ERMARD: variants seen among roughly 807,000 people sequenced by gnomAD.
ERMARD encodes the protein endoplasmic reticulum membrane-associated RNA degradation protein.
A neutral mutation model predicts 83.9 loss-of-function variants in ERMARD; 71 were observed. That is an observed-to-expected ratio of 0.85 (90% CI 0.70 to 1.03). The LOEUF (loss-of-function observed/expected upper bound fraction) is 1.03. ERMARD is among the 50% of genes least tolerant of loss of function. The pLI is 0.00. For synonymous variants in ERMARD, 284 were observed against 298.6 expected, an observed-to-expected ratio of 0.95 and a Z score of 0.50; for missense variants, 838 against 810.9, an observed-to-expected ratio of 1.03 and a Z score of -0.41.
intron 16 of ERMARD, among the ~76,000 whole-genome samples, chr6:169,777,784 C>CA (rs1793764642): frequency 6.6e-6 from 1 of 152,152 alleles, no homozygotes; most frequent in Non-Finnish European, 1.5e-5. Context: ...CCCTTCCCCC[C>CA]ACCCACAGCT....
At chr6:169,762,092 G>C (rs374346923) in intron 8 of ERMARD, among the ~76,000 whole-genome samples, 1 of 151,950 alleles carries the variant, frequency 6.6e-6, no homozygotes, top group Non-Finnish European at 1.5e-5. Context: ...TTTGTTTTTT[G>C]CTTGTTTTTT....
intron 5 of ERMARD, among the ~76,000 whole-genome samples, chr6:169,757,410 T>G (rs887984569): frequency 6.6e-6 from 1 of 152,204 alleles, no homozygotes; most frequent in Non-Finnish European, 1.5e-5. Flanking sequence ...GTTGCCTCGA[T>G]CAATTACATA....
chr6:169,774,354 C>T lies in ERMARD; in HGVS notation c.1318-916C>T, dbSNP rs78928861. 9.7e-4 allele frequency among the ~76,000 whole-genome samples: 148 copies of T among 152,310 alleles called. 1 individual carries two copies. In the East Asian group the frequency reaches 0.021, roughly 21 times the overall value. On this transcript the variant is annotated intron_variant, in intron 13 of 17. Transcript: ENST00000366773. ...GCTGTGCTGGTCAGATGCCATTCCC[C>T]GTTGGCGCTGTGGACCAGCTTTACC... is the stretch of plus-strand genomic sequence containing the variant.
chr6:169,763,852 C>T (rs112498782), intron 9 of ERMARD, among the ~76,000 whole-genome samples: 3 of 152,276 alleles, frequency 2.0e-5, no homozygotes, highest in East Asian at 1.9e-4. Context: ...CTTACGGCCC[C>T]GGAGCCGGGC....
At position 169,754,973 on chromosome 6, in the gene ERMARD, A is replaced by G. The variant is rs184884990; in HGVS notation, c.176-310A>G. Among the ~76,000 whole-genome samples, 439 of 152,314 alleles carry G rather than the reference A, an allele frequency of 2.9e-3. 10 individuals carry two copies. Among genetic ancestry groups the G allele is most frequent in the Admixed American group, 0.025 (388 of 15,296 alleles). On this transcript the variant is annotated intron_variant, in intron 2 of 17. Transcript: ENST00000366773. ...AAAAAATCAGGTTACGAAATTACAT[A>G]TACAATGTGAGCCTGGTTTTCTGTA...
At chr6:169,755,154 C>A in intron 2 of ERMARD, 129 bp from the exon 3 acceptor site, 1 of 1,067,968 alleles carries the variant, frequency 9.4e-7, no homozygotes, top group Non-Finnish European at 1.4e-6. Flanking sequence ...ATCATATGTT[C>A]AATGGTAAGC....
chr6:169,760,102 C>T (rs1791347493), intron 7 of ERMARD, 128 bp downstream of exon 7: 1 of 1,490,996 alleles, frequency 6.7e-7, no homozygotes, highest in Non-Finnish European at 8.9e-7. Flanking sequence ...GGATGGCTTT[C>T]AGAGTTGCTT....
chr6:169,760,923 C>T (rs1167089917), intron 8 of ERMARD, among the ~76,000 whole-genome samples, 167 bp downstream of exon 8: 2 of 152,132 alleles, frequency 1.3e-5, no homozygotes, highest in African/African-American at 2.4e-5. Context: ...CTTCAAGGAC[C>T]GCCTGTGATT....
Position 169,758,974 on chromosome 6 carries a change from G to A in ERMARD, c.514G>A (p.Val172Met), listed in dbSNP as rs149810482. ...GTAATGATTTGCGGATTAGATGAAT[G>A]TGCTAAAAGTCTTCGTTGGCTCTCC... ...AQVFSQSVMNVLKVFVGSPCG... is the reference protein window; with the variant it reads ...AQVFSQSVMNMLKVFVGSPCG... Residue 172 changes from valine to methionine, a missense_variant, in exon 6 of 18, where the codon GTG (valine) becomes ATG (methionine). By Grantham distance (21) the Val-to-Met change is conservative (BLOSUM62 1). Transcript: ENST00000366773. 281 of 1,613,624 alleles carry A rather than the reference G, an allele frequency of 1.7e-4. 1 individual carries two copies. Among genetic ancestry groups the A allele is most frequent in the Non-Finnish European group, 2.2e-4 (262 of 1,179,764 alleles).
At chr6:169,754,970 C>T (rs1790612841) in intron 2 of ERMARD, among the ~76,000 whole-genome samples, 1 of 151,944 alleles carries the variant, frequency 6.6e-6, no homozygotes, top group Non-Finnish European at 1.5e-5. Flanking sequence ...TACGAAATTA[C>T]ATATACAATG....
At chr6:169,754,665 A>G (rs1790568770) in intron 2 of ERMARD, among the ~76,000 whole-genome samples, 1 of 152,222 alleles carries the variant, frequency 6.6e-6, no homozygotes, top group Admixed American at 6.5e-5. Flanking sequence ...ATGCAGTGGT[A>G]GAAAAGAATG....
At chr6:169,753,691 T>G (rs1425253934) in intron 1 of ERMARD, among the ~76,000 whole-genome samples, 173 bp from the exon 2 acceptor site, 1 of 152,196 alleles carries the variant, frequency 6.6e-6, no homozygotes, top group Non-Finnish European at 1.5e-5. Flanking sequence ...ATGTAAATTA[T>G]CTTTAATATT....
intron 5 of ERMARD, among the ~76,000 whole-genome samples, chr6:169,757,192 C>T (rs2011670): frequency 0.29 from 44,683 of 152,048 alleles, 7,489 homozygotes; most frequent in African/African-American, 0.45. Flanking sequence ...AACCATATCA[C>T]GGAGTAAGTG....
chr6:169,759,787 A>G, intron 6 of ERMARD, 51 bp from the exon 7 acceptor site: 2 of 1,495,066 alleles, frequency 1.3e-6, no homozygotes, highest in East Asian at 2.3e-5. Context: ...GAAGCTTTTT[A>G]TAGGCATGAT....
In ERMARD at chr6:169,760,745, C is replaced by T. The variant is rs138733309; in HGVS notation, c.846C>T (p.Phe282=). The T allele has an allele frequency of 1.6e-4, 265 of 1,611,898 alleles. No individual in the cohort carries two copies. In the African/African-American group the frequency reaches 3.3e-3, roughly 20 times the overall value. ...LPYWEVALVK[F]KSHRFADCAI... ...ATTGGGAAGTTGCACTGGTCAAGTT[C>T]AAGTCACACAGGTAACTAAAGGGTA... The change falls in exon 8 of 18, where the codon TTC becomes TTT. Residue 282 remains phenylalanine, a synonymous_variant. Coordinates refer to ENST00000366773, the MANE Select transcript of ERMARD (RefSeq NM_018341.3).
In ERMARD at chr6:169,758,960, C is replaced by T. The variant is rs368585678; in HGVS notation, c.508-8C>T. On this transcript the variant is annotated splice_region_variant and splice_polypyrimidine_tract_variant and intron_variant, in intron 5 of 17. Transcript: ENST00000366773. ...GTATAATTAACTATGTAATGATTTG[C>T]GGATTAGATGAATGTGCTAAAAGTC... 2.0e-5 allele frequency: 32 copies of T among 1,607,062 alleles called. No homozygotes were observed. The highest frequency in any genetic ancestry group is 1.6e-4 in the African/African-American group (12 of 74,640).
At chr6:169,760,808 T>G in intron 8 of ERMARD, 52 bp downstream of exon 8, 1 of 1,225,356 alleles carries the variant, frequency 8.2e-7, no homozygotes, top group Non-Finnish European at 1.2e-6. Context: ...AGGCCATTCT[T>G]TCTTGATGCC....
intron 5 of ERMARD, among the ~76,000 whole-genome samples, chr6:169,757,557 TAAAA>T (rs1184024616): frequency 1.3e-5 from 2 of 152,168 alleles, no homozygotes; most frequent in Admixed American, 6.5e-5. Context: ...ATTCAGATGT[TAAAA>T]AAATCATGCA....
chr6:169,755,969 A>T (rs543090349), intron 3 of ERMARD, among the ~76,000 whole-genome samples: 180 of 152,274 alleles, frequency 1.2e-3, no homozygotes, highest in South Asian at 1.7e-3. Flanking sequence ...AGGAATCATC[A>T]TGTCCCCCTT....
Sources: gnomAD v4.1 joint callset for allele counts (sites outside exome capture counted in the v4.1 genomes callset) on GRCh38, gnomAD v4.1.1 for gene constraint, MANE v1.5 for transcripts, NCBI Gene and HGNC (gene_info 2026-07-23, HGNC 2026-07-21) for gene names.